The following EYA4 variants were observed in gnomAD, a reference collection of about 807,000 sequenced individuals.
The protein encoded by EYA4 is EYA transcriptional coactivator and phosphatase 4.
EYA4 carries 31 observed loss-of-function variants against 87.9 expected under a neutral mutation model. That is an observed-to-expected ratio of 0.35 (90% confidence interval 0.27 to 0.48). The LOEUF (loss-of-function observed/expected upper bound fraction) is 0.48. Ranked by LOEUF, EYA4 falls within the 20% of genes least tolerant of loss-of-function variation. EYA4 has a pLI of 0.99. For missense variants in EYA4, 678 were observed against 761.4 expected, an observed-to-expected ratio of 0.89 and a Z score of 1.29; for synonymous variants, 263 against 270.6, an observed-to-expected ratio of 0.97 and a Z score of 0.28.
chr6:133,456,825 A>G (rs1165708648), intron 6 of EYA4, among the ~76,000 whole-genome samples, 177 bp downstream of exon 6: 2 of 152,220 alleles, frequency 1.3e-5, no homozygotes, highest in Non-Finnish European at 1.5e-5. Context: ...GTTATAAATT[A>G]TATTTAGAAT....
At chr6:133,492,806 T>A (rs1333309972) in intron 13 of EYA4, among the ~76,000 whole-genome samples, 1 of 152,140 alleles carries the variant, frequency 6.6e-6, no homozygotes, top group Non-Finnish European at 1.5e-5. Context: ...TTTTTATATG[T>A]CAGCTGTGAA....
intron 5 of EYA4, among the ~76,000 whole-genome samples, chr6:133,454,598 G>C (rs1793750142): frequency 1.3e-5 from 2 of 152,102 alleles, no homozygotes; most frequent in South Asian, 4.1e-4. Context: ...CTGTTGAGAG[G>C]AGTAAATCAG....
At chr6:133,412,910 A>G (rs1583211293) in intron 3 of EYA4, among the ~76,000 whole-genome samples, 2 of 152,070 alleles carry the variant, frequency 1.3e-5, no homozygotes, top group South Asian at 4.1e-4. Context: ...CAGCAGCTGG[A>G]TGTGGTAAGG....
chr6:133,523,166 C>T lies in EYA4; in HGVS notation c.1727C>T (p.Ala576Val). The T allele has an allele frequency of 6.2e-7, 1 of 1,611,932 alleles. No individual in the cohort carries two copies. The highest frequency in any genetic ancestry group is 8.5e-7 in the Non-Finnish European group (1 of 1,178,344). Residue 576 changes from alanine (A) to valine (V), a missense_variant, in exon 18 of 20, where the codon GCA becomes GTA. Physicochemically the swap from Ala to Val is moderately conservative, Grantham distance 64 (BLOSUM62 0). Transcript: ENST00000355286. ...TTCCCCATTGAGAATATTTACAGTG[C>T]AACTAAAATAGGTAAGGAAATTATT... ...GAFPIENIYSATKIGKESCFE... is the reference protein window; with the variant it reads ...GAFPIENIYSVTKIGKESCFE...
intron 2 of EYA4, among the ~76,000 whole-genome samples, chr6:133,337,545 A>G (rs1782463914): frequency 1.3e-5 from 2 of 152,200 alleles, no homozygotes; most frequent in Admixed American, 1.3e-4. Flanking sequence ...GGGTTTTGCA[A>G]TCAAAATGGA....
At chr6:133,380,054 T>C (rs373718615) in intron 2 of EYA4, among the ~76,000 whole-genome samples, 8 of 152,320 alleles carry the variant, frequency 5.3e-5, no homozygotes, top group African/African-American at 1.7e-4. Flanking sequence ...CAGAACTTAC[T>C]TTCTTCATTG....
At chr6:133,252,069 G>A (rs911052732) in intron 1 of EYA4, among the ~76,000 whole-genome samples, 2 of 152,200 alleles carry the variant, frequency 1.3e-5, no homozygotes, top group Non-Finnish European at 2.9e-5. Context: ...CTGAGAGAGA[G>A]TATGTAGGAA....
intron 3 of EYA4, among the ~76,000 whole-genome samples, chr6:133,404,827 C>T (rs1434713052): frequency 6.6e-6 from 1 of 152,176 alleles, no homozygotes; most frequent in African/African-American, 2.4e-5. Flanking sequence ...TTGCTTGTAT[C>T]CAGTTTCTAG....
intron 3 of EYA4, among the ~76,000 whole-genome samples, chr6:133,441,063 A>G (rs1329903830): frequency 6.6e-6 from 1 of 152,108 alleles, no homozygotes; most frequent in Non-Finnish European, 1.5e-5. Flanking sequence ...AGATTTGGGA[A>G]AATTTTGACC....
chr6:133,341,051 A>C (rs551039561), intron 2 of EYA4, among the ~76,000 whole-genome samples: 7 of 152,320 alleles, frequency 4.6e-5, no homozygotes, highest in Admixed American at 3.3e-4. Flanking sequence ...TCTAGCTTCT[A>C]TGTTTATACT....
At chr6:133,496,455 A>G (rs1797654744) in intron 13 of EYA4, among the ~76,000 whole-genome samples, 1 of 152,196 alleles carries the variant, frequency 6.6e-6, no homozygotes, top group African/African-American at 2.4e-5. Flanking sequence ...TAAAATGTAC[A>G]GATGGGGGAC....
chr6:133,250,037 G>A (rs923848637), intron 1 of EYA4, among the ~76,000 whole-genome samples: 3 of 152,188 alleles, frequency 2.0e-5, no homozygotes, highest in African/African-American at 4.8e-5. Context: ...AATGAGAGCA[G>A]AGATTGTGAC....
chr6:133,370,101 G>T (rs1385185978), intron 2 of EYA4, among the ~76,000 whole-genome samples: 3 of 152,178 alleles, frequency 2.0e-5, no homozygotes, highest in Non-Finnish European at 4.4e-5. Flanking sequence ...TGCTTTTAAG[G>T]CTACCTGGGT....
rs141640977 is a variant in EYA4, at chr6:133,333,267, A to G, written c.34-49125A>G. On this transcript the variant is annotated intron_variant, in intron 2 of 19. Coordinates refer to ENST00000355286, the MANE Select transcript of EYA4 (RefSeq NM_004100.5). Reference sequence around the variant, plus strand: ...TCCTTAATGAATACTTGATAAGTGAATGAAAACAACAGAGATGAGAACGTA... The same window carrying G: ...TCCTTAATGAATACTTGATAAGTGAGTGAAAACAACAGAGATGAGAACGTA... Among the ~76,000 whole-genome samples, 1,029 of 152,336 alleles carry G rather than the reference A, an allele frequency of 6.8e-3. 7 individuals carry two copies. Among genetic ancestry groups the G allele is most frequent in the Non-Finnish European group, 0.012 (808 of 68,034 alleles).
In EYA4 at chr6:133,289,145, A is replaced by G. The variant is rs555978591; in HGVS notation, c.33+14332A>G. The stretch of plus-strand genomic sequence containing the variant: ...TGGAGAATAGACTTCAAGTTGTTGC[A>G]GAAGGGATGATGAGGTTAATGGAGA... On this transcript the variant is annotated intron_variant, in intron 2 of 19. Coordinates refer to ENST00000355286, the MANE Select transcript of EYA4 (RefSeq NM_004100.5). Among the ~76,000 whole-genome samples, 10 of 152,322 alleles carry G rather than the reference A, an allele frequency of 6.6e-5. 1 individual carries two copies. The South Asian group carries it at 1.9e-3, about 28-fold the overall frequency.
chr6:133,323,535 G>C (rs1160117019), intron 2 of EYA4, among the ~76,000 whole-genome samples: 1 of 152,182 alleles, frequency 6.6e-6, no homozygotes, highest in South Asian at 2.1e-4. Context: ...CTATATTGCT[G>C]TTTCATTTTC....
intron 2 of EYA4, among the ~76,000 whole-genome samples, chr6:133,300,447 C>G (rs1029711891): frequency 2.0e-5 from 3 of 152,136 alleles, no homozygotes; most frequent in African/African-American, 2.4e-5. Flanking sequence ...AAGTTAGTTT[C>G]TTTTACTGGC....
At chr6:133,509,839 T>C (rs1000844464) in intron 14 of EYA4, among the ~76,000 whole-genome samples, 2 of 152,192 alleles carry the variant, frequency 1.3e-5, no homozygotes, top group Non-Finnish European at 2.9e-5. Flanking sequence ...ACAGTGTTTT[T>C]AGTATTTCAC....
chr6:133,528,701 T>C (rs1190965998), intron 19 of EYA4, 24 bp from the exon 20 acceptor site: 6 of 1,519,640 alleles, frequency 3.9e-6, no homozygotes, highest in Non-Finnish European at 5.5e-6. Flanking sequence ...CTCTCTCCCA[T>C]CCCTCCTTCT....
Sources: gnomAD v4.1 joint callset for allele counts (sites outside exome capture counted in the v4.1 genomes callset) on GRCh38, gnomAD v4.1.1 for gene constraint, MANE v1.5 for transcripts, NCBI Gene and HGNC (gene_info 2026-07-23, HGNC 2026-07-21) for gene names.